Variants in DLG2 observed in about 807,000 individuals in gnomAD.
The protein encoded by DLG2 is discs large MAGUK scaffold protein 2.
DLG2 carries 45 observed loss-of-function variants against 132.5 expected under a neutral mutation model. The observed-to-expected ratio is 0.34, with a 90% CI of 0.27 to 0.44. The LOEUF is 0.44. DLG2 is among the 20% of genes least tolerant of loss of function. The pLI, the probability that DLG2 is intolerant of heterozygous loss-of-function variation, is 1.00. For synonymous variants in DLG2, 424 were observed against 419.6 expected, an observed-to-expected ratio of 1.01 and a Z score of -0.13; for missense variants, 1,045 against 1,196.9, an observed-to-expected ratio of 0.87 and a Z score of 1.87.
chr11:84,085,658 C>G (rs1030423306), intron 10 of DLG2, among the ~76,000 whole-genome samples: 2 of 152,186 alleles, frequency 1.3e-5, no homozygotes, highest in Non-Finnish European at 2.9e-5. Context: ...AGCAGTACAT[C>G]TTGTTAACTT....
chr11:85,386,718 T>C (rs1268310709), intron 3 of DLG2, among the ~76,000 whole-genome samples: 3 of 151,942 alleles, frequency 2.0e-5, no homozygotes, highest in Admixed American at 1.3e-4. Flanking sequence ...GGAGCTTATC[T>C]TTTTATTTCT....
intron 8 of DLG2, among the ~76,000 whole-genome samples, chr11:84,215,927 G>A (rs2096830241): frequency 6.6e-6 from 1 of 152,134 alleles, no homozygotes; most frequent in South Asian, 2.1e-4. Flanking sequence ...TTTTGGAAAG[G>A]GAAGAACTGA....
At chr11:85,489,455 A>G (rs187534998) in intron 3 of DLG2, among the ~76,000 whole-genome samples, 2 of 152,316 alleles carry the variant, frequency 1.3e-5, no homozygotes, top group African/African-American at 4.8e-5. Flanking sequence ...GTAAAACAAT[A>G]ATAGTGGGGA....
chr11:85,479,601 C>CCA (rs755064164), intron 3 of DLG2, among the ~76,000 whole-genome samples: 5 of 152,152 alleles, frequency 3.3e-5, no homozygotes, highest in Admixed American at 2.6e-4. Context: ...TGATGCTCAA[C>CCA]CTCTCTACTT....
chr11:84,972,664 T>C (rs1179973277), intron 6 of DLG2, among the ~76,000 whole-genome samples: 1 of 152,194 alleles, frequency 6.6e-6, no homozygotes, highest in Admixed American at 6.5e-5. Context: ...GACAACCTAT[T>C]GCTTTTAATG....
At chr11:83,547,418 A>G (rs1477435787) in intron 19 of DLG2, among the ~76,000 whole-genome samples, 2 of 152,110 alleles carry the variant, frequency 1.3e-5, no homozygotes, top group African/African-American at 2.4e-5. Context: ...GGTGGACACA[A>G]TCTAATTACA....
At chr11:84,510,716 G>A (rs1415347340) in intron 7 of DLG2, among the ~76,000 whole-genome samples, 2 of 152,144 alleles carry the variant, frequency 1.3e-5, no homozygotes, top group African/African-American at 4.8e-5. Context: ...GTCATTCGTT[G>A]AAGGAAGACA....
In DLG2 at chr11:85,370,861, T is replaced by A. The variant is rs535649022; in HGVS notation, c.41-85496A>T. ...TCTTCTTTAGGTTATATATTGGTACTATATATGGTTATATATATAATGCTA... is the reference window on the plus strand; with the variant it reads ...TCTTCTTTAGGTTATATATTGGTACAATATATGGTTATATATATAATGCTA... On this transcript the variant is annotated intron_variant, in intron 3 of 27. Coordinates refer to ENST00000376104, the MANE Select transcript of DLG2 (RefSeq NM_001142699.3). Among the ~76,000 whole-genome samples, 47 of 152,320 alleles carry A rather than the reference T, an allele frequency of 3.1e-4. 1 individual carries two copies. The South Asian group carries it at 8.7e-3, about 28-fold the overall frequency.
chr11:84,283,220 G>T (rs113695051), intron 7 of DLG2, among the ~76,000 whole-genome samples: 158 of 152,232 alleles, frequency 1.0e-3, no homozygotes, highest in African/African-American at 3.7e-3. Flanking sequence ...TTCCCACATG[G>T]CATCCCCATG....
chr11:83,518,281 G>A (rs2095363745), intron 21 of DLG2, among the ~76,000 whole-genome samples: 2 of 152,210 alleles, frequency 1.3e-5, no homozygotes, highest in Admixed American at 6.5e-5. Context: ...TGCTGTGCTA[G>A]CAAAGAGTGA....
Position 84,972,597 on chromosome 11 carries a change from C to T in DLG2, c.357+139064G>A, listed in dbSNP as rs568614395. On this transcript the variant is annotated intron_variant, in intron 6 of 27. Transcript: ENST00000376104. ...CCCAAACCAAAATATGCAAATATGG[C>T]ATCTACTCTCTTGGTTAAACGCTTA... 2.6e-5 allele frequency among the ~76,000 whole-genome samples: 4 copies of T among 152,302 alleles called. No homozygotes were observed. The East Asian group carries it at 7.7e-4, about 29-fold the overall frequency.
chr11:83,929,117 A>G (rs1418861130), intron 15 of DLG2, among the ~76,000 whole-genome samples: 1 of 152,194 alleles, frequency 6.6e-6, no homozygotes, highest in Non-Finnish European at 1.5e-5. Context: ...ATAGTCAAAA[A>G]TGTGTTTTCT....
chr11:85,484,643 C>T (rs550907638), intron 3 of DLG2, among the ~76,000 whole-genome samples: 4 of 151,998 alleles, frequency 2.6e-5, no homozygotes, highest in South Asian at 2.1e-4. Context: ...AAATCAAAAC[C>T]ACAATGAGAT....
intron 6 of DLG2, among the ~76,000 whole-genome samples, chr11:84,849,698 G>A (rs887208960): frequency 2.6e-5 from 4 of 151,954 alleles, no homozygotes; most frequent in Non-Finnish European, 5.9e-5. Flanking sequence ...CTTCAGTTAC[G>A]ATATGTCACA....
intron 3 of DLG2, among the ~76,000 whole-genome samples, chr11:85,291,753 T>C (rs898930333): frequency 2.0e-5 from 3 of 151,962 alleles, no homozygotes; most frequent in Non-Finnish European, 4.4e-5. Flanking sequence ...CCCAGTTAAT[T>C]TGTGTATCTT....
intron 15 of DLG2, among the ~76,000 whole-genome samples, chr11:83,917,550 CA>C (rs1241531414): frequency 6.6e-6 from 1 of 152,098 alleles, no homozygotes; most frequent in Admixed American, 6.5e-5. Flanking sequence ...ACTCTGAAAT[CA>C]AAAAATCCCA....
intron 11 of DLG2, among the ~76,000 whole-genome samples, chr11:84,003,414 T>C (rs941843187): frequency 1.2e-4 from 18 of 152,296 alleles, no homozygotes; most frequent in African/African-American, 4.3e-4. Flanking sequence ...ATTTTCATAC[T>C]GCTATAAAGA....
chr11:85,084,959 G>A (rs1460400003), intron 6 of DLG2, among the ~76,000 whole-genome samples: 1 of 152,138 alleles, frequency 6.6e-6, no homozygotes. Flanking sequence ...TTGAGTTGCT[G>A]AAATAACATG....
chr11:83,666,306 G>A (rs914967442), intron 18 of DLG2, among the ~76,000 whole-genome samples: 11 of 152,176 alleles, frequency 7.2e-5, no homozygotes, highest in African/African-American at 2.7e-4. Context: ...TCCGCAGACT[G>A]GTAGGTGTCC....
Sources: gnomAD v4.1 joint callset for allele counts (sites outside exome capture counted in the v4.1 genomes callset) on GRCh38, gnomAD v4.1.1 for gene constraint, MANE v1.5 for transcripts, NCBI Gene and HGNC (gene_info 2026-07-23, HGNC 2026-07-21) for gene names.